The following TINAG variants were observed in gnomAD, a reference collection of about 807,000 sequenced individuals.
The protein encoded by TINAG is tubulointerstitial nephritis antigen.
A neutral mutation model predicts 72.7 loss-of-function variants in TINAG; 83 were observed. That is an observed-to-expected ratio of 1.14 (90% CI 0.96 to 1.37). TINAG has a LOEUF of 1.37. Among genes scored for constraint, TINAG ranks in the 40% most tolerant of loss-of-function variants. TINAG has a pLI of 0.00. For missense variants in TINAG, 685 were observed against 576.6 expected, an observed-to-expected ratio of 1.19 and a Z score of -1.93; for synonymous variants, 234 against 189.9, an observed-to-expected ratio of 1.23 and a Z score of -1.91.
intron 6 of TINAG, among the ~76,000 whole-genome samples, chr6:54,348,789 T>C (rs1358833097): frequency 6.6e-6 from 1 of 152,172 alleles, no homozygotes; most frequent in Non-Finnish European, 1.5e-5. Flanking sequence ...CATCATTTAA[T>C]ACAAATGTAA....
chr6:54,354,166 AAAGCAC>A (rs1785333985), intron 8 of TINAG, among the ~76,000 whole-genome samples: 1 of 151,930 alleles, frequency 6.6e-6, no homozygotes, highest in South Asian at 2.1e-4. Flanking sequence ...GGCTTGTGGT[AAAGCAC>A]AAGGTTAGTG....
chr6:54,385,492 G>T (rs1764072773), intron 10 of TINAG, among the ~76,000 whole-genome samples: 1 of 147,282 alleles, frequency 6.8e-6, no homozygotes, highest in Non-Finnish European at 1.5e-5. Flanking sequence ...AAAAAAAAAT[G>T]AGTCTATTTA....
intron 9 of TINAG, among the ~76,000 whole-genome samples, chr6:54,361,087 T>G (rs1763221332): frequency 1.3e-5 from 2 of 151,288 alleles, no homozygotes; most frequent in African/African-American, 4.8e-5. Flanking sequence ...AGCACCCATA[T>G]AAGATGGCAA....
At chr6:54,370,407 T>C (rs1343200990) in intron 9 of TINAG, among the ~76,000 whole-genome samples, 6 of 151,784 alleles carry the variant, frequency 4.0e-5, no homozygotes, top group Non-Finnish European at 8.8e-5. Context: ...TACTACAAAG[T>C]GAAAAAAATG....
At chr6:54,362,615 A>T (rs1763273821) in intron 9 of TINAG, among the ~76,000 whole-genome samples, 3 of 151,652 alleles carry the variant, frequency 2.0e-5, no homozygotes, top group South Asian at 4.1e-4. Context: ...CCCATGGAAC[A>T]AGAGGTAATT....
intron 9 of TINAG, among the ~76,000 whole-genome samples, chr6:54,364,795 C>T (rs1025683159): frequency 6.6e-6 from 1 of 151,196 alleles, no homozygotes; most frequent in Non-Finnish European, 1.5e-5. Flanking sequence ...TATCTATCAT[C>T]TGTCTATCTA....
intron 4 of TINAG, among the ~76,000 whole-genome samples, chr6:54,336,541 G>T (rs1239960326): frequency 6.6e-6 from 1 of 152,048 alleles, no homozygotes; most frequent in Non-Finnish European, 1.5e-5. Context: ...TTGGGAGATA[G>T]CACCAAGAAG....
At chr6:54,310,946 T>C (rs909035879) in intron 1 of TINAG, among the ~76,000 whole-genome samples, 6 of 151,264 alleles carry the variant, frequency 4.0e-5, no homozygotes, top group Non-Finnish European at 8.8e-5. Context: ...TCTTTTTTTC[T>C]CTCTCTTTCT....
intron 2 of TINAG, 78 bp downstream of exon 2, chr6:54,320,720 C>G (rs75395483): frequency 3.4e-6 from 4 of 1,167,058 alleles, no homozygotes; most frequent in East Asian, 2.4e-5. Flanking sequence ...TATTTGTGAA[C>G]CAAAGTATAC....
chr6:54,364,844 A>G (rs978310550), intron 9 of TINAG, among the ~76,000 whole-genome samples: 3 of 151,360 alleles, frequency 2.0e-5, no homozygotes, highest in Non-Finnish European at 4.4e-5. Flanking sequence ...GAGAGCAGAA[A>G]AATAATGCCT....
intron 9 of TINAG, among the ~76,000 whole-genome samples, chr6:54,367,801 A>G (rs756246223): frequency 2.0e-5 from 3 of 151,798 alleles, no homozygotes; most frequent in Non-Finnish European, 2.9e-5. Flanking sequence ...CCTACACAAC[A>G]TTTATTTCTC....
intron 9 of TINAG, among the ~76,000 whole-genome samples, chr6:54,366,821 GA>G (rs1455309588): frequency 6.6e-6 from 1 of 151,664 alleles, no homozygotes; most frequent in Non-Finnish European, 1.5e-5. Flanking sequence ...TATGAAAACA[GA>G]AAGCTGCTCC....
At position 54,349,825 on chromosome 6, in the gene TINAG, C is replaced by T; in HGVS notation, c.1009C>T (p.Pro337Ser). The T allele has an allele frequency of 6.2e-7, 1 of 1,610,660 alleles. No homozygotes were observed. Among genetic ancestry groups the T allele is most frequent in the Admixed American group, 1.7e-5 (1 of 59,690 alleles). The change falls in exon 7 of 11, where the codon CCA becomes TCA. Residue 337 changes from proline to serine, a missense_variant. Pro to Ser is a moderately conservative substitution (Grantham distance 74). Coordinates refer to ENST00000259782, the MANE Select transcript of TINAG (RefSeq NM_014464.4). Reference sequence around the variant, plus strand: ...GCGAGGAAAACGGCATGCCACGAAGCCATGTCCCAACAACGTAGAAAAATC... The same window carrying T: ...GCGAGGAAAACGGCATGCCACGAAGTCATGTCCCAACAACGTAGAAAAATC... The part of the protein sequence containing the change: ...DGRGKRHATK[P>S]CPNNVEKSNR...
chr6:54,355,372 CAT>C (rs1294229713), intron 9 of TINAG, among the ~76,000 whole-genome samples: 1 of 151,836 alleles, frequency 6.6e-6, no homozygotes, highest in African/African-American at 2.4e-5. Context: ...TCCCATTGAA[CAT>C]GTCTTTAATG....
At chr6:54,319,756 G>A (rs892402487) in intron 1 of TINAG, among the ~76,000 whole-genome samples, 2 of 151,958 alleles carry the variant, frequency 1.3e-5, no homozygotes, top group African/African-American at 4.8e-5. Context: ...TTAATTAGAG[G>A]CCATTGGCAT....
In TINAG at chr6:54,343,309, T is replaced by A; in HGVS notation, c.708T>A (p.Asp236Glu). The A allele has an allele frequency of 6.4e-7, 1 of 1,568,222 alleles. No individual in the cohort carries two copies. Among genetic ancestry groups the A allele is most frequent in the Non-Finnish European group, 8.7e-7 (1 of 1,155,092 alleles). The change falls in exon 5 of 11, where the codon GAT (aspartate) becomes GAA (glutamate). Residue 236 changes from aspartate to glutamate, a missense_variant. Transcript: ENST00000259782. ...CTGGATGGACTCATGGCCCATTGGA[T>A]CAAAAAAATTGTGCTGCATCCTGGG... ...KWPGWTHGPLDQKNCAASWAF... is the reference protein window; with the variant it reads ...KWPGWTHGPLEQKNCAASWAF...
At chr6:54,333,317 G>A (rs982618387) in intron 4 of TINAG, among the ~76,000 whole-genome samples, 1 of 152,124 alleles carries the variant, frequency 6.6e-6, no homozygotes, top group Non-Finnish European at 1.5e-5. Context: ...ATCTTTTGCA[G>A]GGACATGGAT....
intron 9 of TINAG, among the ~76,000 whole-genome samples, chr6:54,356,558 A>T (rs1763046890): frequency 6.6e-6 from 1 of 151,830 alleles, no homozygotes; most frequent in Non-Finnish European, 1.5e-5. Flanking sequence ...TGTCATATTA[A>T]TGCTCAAAGA....
chr6:54,308,757 CTG>C lies in TINAG; in HGVS notation c.211_212del (p.Val71HisfsTer2), dbSNP rs748857281. On this transcript the variant is annotated frameshift_variant, in exon 1 of 11. Transcript: ENST00000259782. LOFTEE classifies it high-confidence loss of function. ...GCTGTTGTGAAGACAGAGATGATGG[CTG>C]TGTCACTGAGTTCTATGCGGCGAAT... ...FGCCEDRDDG[C>X]VTEFYAANAL... 8.7e-6 allele frequency: 14 copies of C among 1,613,744 alleles called. No homozygotes were observed. Among genetic ancestry groups the C allele is most frequent in the Non-Finnish European group, 1.2e-5 (14 of 1,179,888 alleles).
Sources: gnomAD v4.1 joint callset for allele counts (sites outside exome capture counted in the v4.1 genomes callset) on GRCh38, gnomAD v4.1.1 for gene constraint, MANE v1.5 for transcripts, NCBI Gene and HGNC (gene_info 2026-07-23, HGNC 2026-07-21) for gene names.